Variants in GRIA1 observed in about 807,000 individuals in gnomAD.
GRIA1 encodes glutamate ionotropic receptor AMPA type subunit 1.
GRIA1 carries 31 observed loss-of-function variants against 99.2 expected under a neutral mutation model. That is an observed-to-expected ratio of 0.31 (90% CI 0.23 to 0.42). GRIA1 has a LOEUF of 0.42. GRIA1 is among the 10% of genes least tolerant of loss of function. GRIA1 has a pLI of 1.00. For missense variants in GRIA1, 782 were observed against 1,157.5 expected, an observed-to-expected ratio of 0.68 and a Z score of 4.71; for synonymous variants, 438 against 432.4, an observed-to-expected ratio of 1.01 and a Z score of -0.16.
At chr5:153,622,675 T>C (rs1318847018) in intron 2 of GRIA1, among the ~76,000 whole-genome samples, 3 of 152,232 alleles carry the variant, frequency 2.0e-5, no homozygotes, top group Non-Finnish European at 2.9e-5. Context: ...AAATAGATAA[T>C]TTTTATTGAA....
At chr5:153,649,836 C>G (rs1488407800) in intron 3 of GRIA1, among the ~76,000 whole-genome samples, 2 of 152,124 alleles carry the variant, frequency 1.3e-5, no homozygotes, top group Non-Finnish European at 2.9e-5. Context: ...ATTGAACATT[C>G]ACAAATTTGA....
chr5:153,620,285 CT>C (rs57847273), intron 2 of GRIA1, among the ~76,000 whole-genome samples: 23,316 of 146,616 alleles, frequency 0.16, 1,874 homozygotes, highest in Middle Eastern at 0.22. Flanking sequence ...TTGGGATAGA[CT>C]TTTTTTTTTT....
intron 13 of GRIA1, among the ~76,000 whole-genome samples, chr5:153,773,267 GC>G (rs1400908747): frequency 6.6e-6 from 1 of 152,238 alleles, no homozygotes; most frequent in Non-Finnish European, 1.5e-5. Flanking sequence ...TAAGGTAGAA[GC>G]CAGATTTCAA....
At chr5:153,556,994 G>A (rs1760706259) in intron 2 of GRIA1, among the ~76,000 whole-genome samples, 1 of 152,054 alleles carries the variant, frequency 6.6e-6, no homozygotes, top group South Asian at 2.1e-4. Context: ...TGAATACTGA[G>A]GCAAGTGTAA....
intron 2 of GRIA1, among the ~76,000 whole-genome samples, chr5:153,611,483 A>G (rs1450600197): frequency 3.3e-5 from 5 of 152,174 alleles, no homozygotes; most frequent in African/African-American, 1.2e-4. Flanking sequence ...TCTGCCAGGC[A>G]GTAGATATTC....
At position 153,490,800 on chromosome 5, in the gene GRIA1, A is replaced by G. The variant is rs1222098645; in HGVS notation, c.-89A>G. The G allele has an allele frequency of 8.5e-6, 8 of 944,258 alleles. No homozygotes were observed. Among genetic ancestry groups the G allele is most frequent in the Non-Finnish European group, 1.4e-5 (8 of 569,096 alleles). 58.5% of individuals were successfully genotyped at this position (944,258 alleles called of 1,614,324 possible). A position where few individuals can be genotyped will look rare whatever the true frequency, so the allele number is the denominator to read the frequency against. On this transcript the variant is annotated 5_prime_UTR_variant, in exon 1 of 16. Transcript: ENST00000285900. ...GAACTGCAGGAGGAAAAGAACAGGC[A>G]GAACAGCGAGAAGAATAAAGGGAAA...
intron 8 of GRIA1, among the ~76,000 whole-genome samples, chr5:153,693,735 T>C (rs1287661400): frequency 2.6e-5 from 4 of 152,216 alleles, no homozygotes; most frequent in Non-Finnish European, 5.9e-5. Context: ...CTCTCCTGAC[T>C]GGTAGGCCCC....
intron 14 of GRIA1, chr5:153,795,525 G>A: frequency 6.2e-7 from 1 of 1,613,534 alleles, no homozygotes; most frequent in Non-Finnish European, 8.5e-7. Flanking sequence ...AGGCGTCTTA[G>A]ACAAGCTGAA....
intron 14 of GRIA1, among the ~76,000 whole-genome samples, chr5:153,797,517 A>G (rs1029667878): frequency 1.3e-5 from 2 of 152,244 alleles, no homozygotes; most frequent in African/African-American, 4.8e-5. Flanking sequence ...TCACCAATGC[A>G]TAGTCCAAGC....
At chr5:153,593,001 C>G (rs1295581345) in intron 2 of GRIA1, among the ~76,000 whole-genome samples, 1 of 152,204 alleles carries the variant, frequency 6.6e-6, no homozygotes, top group Non-Finnish European at 1.5e-5. Context: ...CGCAGTGGCT[C>G]ACACCTGTGA....
intron 8 of GRIA1, among the ~76,000 whole-genome samples, chr5:153,691,706 G>A (rs1343903278): frequency 1.3e-5 from 2 of 152,060 alleles, no homozygotes; most frequent in African/African-American, 2.4e-5. Context: ...TATAGACATA[G>A]CATCTCAGAT....
chr5:153,563,477 A>T (rs946277244), intron 2 of GRIA1, among the ~76,000 whole-genome samples: 13 of 152,164 alleles, frequency 8.5e-5, no homozygotes, highest in African/African-American at 3.1e-4. Context: ...AAAGAGGGTA[A>T]AGGATGGAAG....
chr5:153,661,076 G>A (rs1386572678), intron 5 of GRIA1, among the ~76,000 whole-genome samples: 2 of 152,130 alleles, frequency 1.3e-5, no homozygotes, highest in African/African-American at 4.8e-5. Flanking sequence ...TCCTCTGCGG[G>A]ATCAGCCCTG....
chr5:153,559,821 T>G (rs1156411371), intron 2 of GRIA1, among the ~76,000 whole-genome samples: 1 of 152,178 alleles, frequency 6.6e-6, no homozygotes, highest in Non-Finnish European at 1.5e-5. Flanking sequence ...TTTGGTATAA[T>G]TTTATACAAA....
At chr5:153,701,644 A>C (rs1179897922) in intron 10 of GRIA1, among the ~76,000 whole-genome samples, 2 of 147,400 alleles carry the variant, frequency 1.4e-5, no homozygotes, top group East Asian at 2.0e-4. Context: ...AAAAAAAAAT[A>C]CTATGTTCTG....
chr5:153,678,885 C>T (rs1304144260), intron 7 of GRIA1, among the ~76,000 whole-genome samples: 2 of 152,218 alleles, frequency 1.3e-5, no homozygotes, highest in Non-Finnish European at 2.9e-5. Context: ...CTTAGCTCTC[C>T]TGCTGCCTTC....
chr5:153,521,152 G>A (rs1369817094), intron 2 of GRIA1, among the ~76,000 whole-genome samples: 1 of 152,226 alleles, frequency 6.6e-6, no homozygotes, highest in East Asian at 1.9e-4. Flanking sequence ...GAGGCTGTTA[G>A]CTTGGCATGA....
In GRIA1 at chr5:153,697,814, T is replaced by C. The variant is rs527306707; in HGVS notation, c.1135-230T>C. On this transcript the variant is annotated intron_variant, in intron 8 of 15. Coordinates refer to ENST00000285900, the MANE Select transcript of GRIA1 (RefSeq NM_000827.4). Reference sequence around the variant, plus strand: ...CCCTTATCCCTCAGAGGTGGCAATTTCCAAACTGAACCAATTATTGTGGGG... The same window carrying C: ...CCCTTATCCCTCAGAGGTGGCAATTCCCAAACTGAACCAATTATTGTGGGG... Among the ~76,000 whole-genome samples the C allele has an allele frequency of 4.6e-5, 7 of 152,284 alleles. No individual in the cohort carries two copies. The East Asian group carries it at 1.2e-3, about 25-fold the overall frequency.
At chr5:153,525,859 T>C (rs1488368604) in intron 2 of GRIA1, among the ~76,000 whole-genome samples, 1 of 152,182 alleles carries the variant, frequency 6.6e-6, no homozygotes, top group South Asian at 2.1e-4. Context: ...ACTCAGTAAG[T>C]TGGAGAGTCT....
Sources: gnomAD v4.1 joint callset for allele counts (sites outside exome capture counted in the v4.1 genomes callset) on GRCh38, gnomAD v4.1.1 for gene constraint, MANE v1.5 for transcripts, NCBI Gene and HGNC (gene_info 2026-07-23, HGNC 2026-07-21) for gene names.